SAMD12: variants seen among roughly 807,000 people sequenced by gnomAD.
The protein encoded by SAMD12 is sterile alpha motif domain-containing protein 12.
In SAMD12, 9 loss-of-function variants were observed where a neutral mutation model predicts 15.0. The ratio of observed to expected loss-of-function variants is 0.60; its 90% CI spans 0.36 to 1.05. The LOEUF (loss-of-function observed/expected upper bound fraction) is 1.05, where lower values mean the gene tolerates loss of function less well. SAMD12 is among the 50% of genes least tolerant of loss of function. The pLI is 0.01. For synonymous variants in SAMD12, 86 were observed against 90.1 expected (o/e 0.96, Z 0.25); for missense variants, 230 against 234.2 (o/e 0.98, Z 0.12).
At chr8:118,365,609 C>T (rs1586607047) in intron 4 of SAMD12, among the ~76,000 whole-genome samples, 1 of 152,046 alleles carries the variant, frequency 6.6e-6, no homozygotes, top group African/African-American at 2.4e-5. Flanking sequence ...CTAAATTATA[C>T]CACCAGCTTT....
intron 2 of SAMD12, among the ~76,000 whole-genome samples, chr8:118,540,380 C>A (rs991611137): frequency 6.6e-6 from 1 of 152,160 alleles, no homozygotes; most frequent in Non-Finnish European, 1.5e-5. Context: ...TTTTCCTGAG[C>A]AGATTCAAGG....
intron 4 of SAMD12, among the ~76,000 whole-genome samples, chr8:118,230,515 A>G (rs1410850571): frequency 1.3e-5 from 2 of 152,122 alleles, no homozygotes; most frequent in Non-Finnish European, 2.9e-5. Flanking sequence ...GGTGGGTCTG[A>G]TGTATGCAGT....
chr8:118,446,671 T>C (rs1217545109), intron 2 of SAMD12, among the ~76,000 whole-genome samples: 1 of 152,212 alleles, frequency 6.6e-6, no homozygotes, highest in African/African-American at 2.4e-5. Flanking sequence ...CGTACTTTCA[T>C]ATGGAAGTCA....
intron 2 of SAMD12, among the ~76,000 whole-genome samples, chr8:118,510,639 G>T (rs1327138520): frequency 6.6e-6 from 1 of 152,204 alleles, no homozygotes; most frequent in Admixed American, 6.5e-5. Flanking sequence ...GTCACAGTCA[G>T]TGAGCAAAGG....
Position 118,357,654 on chromosome 8 carries a change from A to G in SAMD12, c.433+21906T>C, listed in dbSNP as rs576451273. On this transcript the variant is annotated intron_variant, in intron 4 of 4. Transcript: ENST00000409003. ...ACATGGATATCACATTGTACCCCCA[A>G]AATAAATATTGTTGTCAAAAATAAA... is the stretch of plus-strand genomic sequence containing the variant. Among the ~76,000 whole-genome samples, 18 of 152,344 alleles carry G rather than the reference A, an allele frequency of 1.2e-4. No homozygotes were observed. In the South Asian group the frequency reaches 2.9e-3, roughly 25 times the overall value.
chr8:118,386,639 A>C (rs1819979178), intron 3 of SAMD12, among the ~76,000 whole-genome samples: 1 of 152,192 alleles, frequency 6.6e-6, no homozygotes, highest in African/African-American at 2.4e-5. Flanking sequence ...GGCACAGAGA[A>C]AGTGTCCTGC....
chr8:118,606,387 T>C (rs777359041), intron 1 of SAMD12, among the ~76,000 whole-genome samples: 1 of 152,008 alleles, frequency 6.6e-6, no homozygotes, highest in African/African-American at 2.4e-5. Context: ...ACATCCTTGT[T>C]TGTGAAAGGG....
chr8:118,356,613 C>T lies in SAMD12; in HGVS notation c.433+22947G>A, dbSNP rs115548116. On this transcript the variant is annotated intron_variant, in intron 4 of 4. Coordinates refer to the SAMD12 transcript ENST00000409003. ...GTCTAGTGATCGAGTGACCGCACCA[C>T]TCCGATGGCATACTTGACACAGATA... is the stretch of plus-strand genomic sequence containing the variant. Among the ~76,000 whole-genome samples the T allele has an allele frequency of 2.3e-3, 355 of 152,270 alleles. 3 individuals are homozygous for T. Among genetic ancestry groups the T allele is most frequent in the African/African-American group, 8.4e-3 (348 of 41,558 alleles).
chr8:118,365,724 C>T (rs187256562), intron 4 of SAMD12, among the ~76,000 whole-genome samples: 272 of 152,142 alleles, frequency 1.8e-3, no homozygotes, highest in African/African-American at 6.0e-3. Flanking sequence ...CTATATATAC[C>T]CTATTGGTTG....
chr8:118,155,313 A>T, the SAMD12 span, among the ~76,000 whole-genome samples: 11 of 152,226 alleles, frequency 7.2e-5, no homozygotes, highest in Non-Finnish European at 1.5e-4. Context: ...TGCTCAGAAC[A>T]CACAGACCAG....
intron 3 of SAMD12, among the ~76,000 whole-genome samples, chr8:118,427,074 CT>C (rs1822255864): frequency 6.6e-6 from 1 of 152,172 alleles, no homozygotes; most frequent in African/African-American, 2.4e-5. Flanking sequence ...CCGTGCCTTT[CT>C]TTATAAGAAT....
chr8:118,525,008 T>G (rs1825494529), intron 2 of SAMD12, among the ~76,000 whole-genome samples: 1 of 152,124 alleles, frequency 6.6e-6, no homozygotes, highest in South Asian at 2.1e-4. Context: ...GATGCCTTAC[T>G]CCCTCACAAG....
intron 4 of SAMD12, among the ~76,000 whole-genome samples, chr8:118,239,474 A>T (rs1812519437): frequency 2.0e-5 from 3 of 152,058 alleles, no homozygotes; most frequent in Non-Finnish European, 4.4e-5. Flanking sequence ...TGTGCCAGAC[A>T]CTCTTCTAGC....
chr8:118,230,633 G>A (rs890449698), intron 4 of SAMD12, among the ~76,000 whole-genome samples: 5 of 151,960 alleles, frequency 3.3e-5, no homozygotes, highest in Non-Finnish European at 7.4e-5. Context: ...AGGTTTCACC[G>A]AGAAAAATGC....
At chr8:118,266,961 A>C (rs1007789452) in intron 4 of SAMD12, among the ~76,000 whole-genome samples, 4 of 152,134 alleles carry the variant, frequency 2.6e-5, no homozygotes, top group African/African-American at 7.2e-5. Flanking sequence ...CATCCTTGGG[A>C]ATTGCTAAGA....
At chr8:118,490,316 T>A (rs572902982) in intron 2 of SAMD12, among the ~76,000 whole-genome samples, 100 of 152,336 alleles carry the variant, frequency 6.6e-4, no homozygotes, top group African/African-American at 2.3e-3. Flanking sequence ...TCTATCATTT[T>A]CCTATACTTC....
chr8:118,456,315 G>A (rs1022577543), intron 2 of SAMD12, among the ~76,000 whole-genome samples: 3 of 152,102 alleles, frequency 2.0e-5, no homozygotes, highest in African/African-American at 2.4e-5. Flanking sequence ...CTGCAGGGTC[G>A]TCTTCCTTGA....
intron 2 of SAMD12, among the ~76,000 whole-genome samples, chr8:118,543,515 G>C (rs1826039366): frequency 6.6e-6 from 1 of 152,094 alleles, no homozygotes; most frequent in African/African-American, 2.4e-5. Context: ...CCTATGGCAA[G>C]CTTGTCCAAT....
At chr8:118,526,548 A>G (rs147719107) in intron 2 of SAMD12, among the ~76,000 whole-genome samples, 5 of 152,212 alleles carry the variant, frequency 3.3e-5, no homozygotes, top group Admixed American at 2.6e-4. Flanking sequence ...GAAACAGCAT[A>G]TCAAATGGAG....
Sources: gnomAD v4.1 joint callset for allele counts (sites outside exome capture counted in the v4.1 genomes callset) on GRCh38, gnomAD v4.1.1 for gene constraint, MANE v1.5 for transcripts, NCBI Gene and HGNC (gene_info 2026-07-23, HGNC 2026-07-21) for gene names.